NR3C2: variants seen among roughly 807,000 people sequenced by gnomAD.
The protein encoded by NR3C2 is mineralocorticoid receptor.
NR3C2 carries 15 observed loss-of-function variants against 86.4 expected under a neutral mutation model. The observed-to-expected ratio is 0.17, with a 90% CI of 0.12 to 0.27. NR3C2 has a LOEUF of 0.27. Ranked by LOEUF, NR3C2 falls within the 10% of genes least tolerant of loss-of-function variation. The pLI is 1.00. For synonymous variants in NR3C2, 458 were observed against 450.5 expected, an observed-to-expected ratio of 1.02 and a Z score of -0.21; for missense variants, 960 against 1,195.6, an observed-to-expected ratio of 0.80 and a Z score of 2.91.
At chr4:148,134,843 G>A (rs1163936700) in intron 6 of NR3C2, among the ~76,000 whole-genome samples, 1 of 150,364 alleles carries the variant, frequency 6.7e-6, no homozygotes, top group Non-Finnish European at 1.5e-5. Flanking sequence ...TTTCTGTAGA[G>A]ATGGGGTTTC....
intron 2 of NR3C2, among the ~76,000 whole-genome samples, chr4:148,355,258 G>A (rs966526208): frequency 6.6e-6 from 1 of 152,186 alleles, no homozygotes; most frequent in Admixed American, 6.5e-5. Context: ...GAGATTAGAG[G>A]CCCCAAGGAA....
intron 8 of NR3C2, among the ~76,000 whole-genome samples, chr4:148,112,020 A>G (rs898295043): frequency 1.3e-5 from 2 of 152,156 alleles, no homozygotes; most frequent in African/African-American, 4.8e-5. Flanking sequence ...CACAGACACT[A>G]ATTTACTTTG....
At chr4:148,320,829 C>T (rs1418534174) in intron 2 of NR3C2, among the ~76,000 whole-genome samples, 2 of 150,882 alleles carry the variant, frequency 1.3e-5, no homozygotes, top group Admixed American at 6.6e-5. Flanking sequence ...AAAAAACCAG[C>T]TCCTGGATTC....
At chr4:148,167,908 C>T (rs1247723163) in intron 4 of NR3C2, among the ~76,000 whole-genome samples, 1 of 152,218 alleles carries the variant, frequency 6.6e-6, no homozygotes, top group Non-Finnish European at 1.5e-5. Flanking sequence ...GTCAAGCAAT[C>T]TCCAAGAAGC....
intron 2 of NR3C2, among the ~76,000 whole-genome samples, chr4:148,411,462 G>C (rs781728318): frequency 6.6e-6 from 1 of 151,984 alleles, no homozygotes; most frequent in Non-Finnish European, 1.5e-5. Flanking sequence ...CCCTCTCCAG[G>C]GTCAAGCACT....
At chr4:148,356,590 C>T (rs1457989982) in intron 2 of NR3C2, among the ~76,000 whole-genome samples, 1 of 152,158 alleles carries the variant, frequency 6.6e-6, no homozygotes, top group East Asian at 1.9e-4. Context: ...TAAAGGAACA[C>T]TTAGGAACCA....
At chr4:148,349,859 C>T (rs537733051) in intron 2 of NR3C2, among the ~76,000 whole-genome samples, 1 of 152,042 alleles carries the variant, frequency 6.6e-6, no homozygotes, top group Non-Finnish European at 1.5e-5. Context: ...TCAAATAACA[C>T]TACAGTTTAC....
intron 2 of NR3C2, among the ~76,000 whole-genome samples, chr4:148,324,641 A>G (rs1028283075): frequency 2.6e-5 from 4 of 152,216 alleles, no homozygotes; most frequent in African/African-American, 9.6e-5. Flanking sequence ...ACTGTATTAT[A>G]TACTTGAAAT....
At chr4:148,348,237 T>C (rs548204126) in intron 2 of NR3C2, among the ~76,000 whole-genome samples, 6 of 152,220 alleles carry the variant, frequency 3.9e-5, no homozygotes, top group African/African-American at 7.2e-5. Flanking sequence ...TTAAGTTACA[T>C]TCCCCCACCA....
At chr4:148,134,643 C>CTCTTTTTTTTTTTT (rs1440338033) in intron 6 of NR3C2, among the ~76,000 whole-genome samples, 13 of 40,806 alleles carry the variant, frequency 3.2e-4, no homozygotes, top group East Asian at 1.6e-3. Flanking sequence ...CTCTCTCTCT[C>CTCTTTTTTTTTTTT]TTTTTTTTTT....
At chr4:148,128,151 T>C (rs1482829880) in intron 6 of NR3C2, among the ~76,000 whole-genome samples, 3 of 152,144 alleles carry the variant, frequency 2.0e-5, no homozygotes, top group African/African-American at 7.2e-5. Flanking sequence ...GCTGCCTGCT[T>C]TTAACTGAGC....
At chr4:148,388,954 C>T (rs984841538) in intron 2 of NR3C2, among the ~76,000 whole-genome samples, 1 of 152,230 alleles carries the variant, frequency 6.6e-6, no homozygotes, top group Admixed American at 6.5e-5. Context: ...GGACACCCTA[C>T]AGCCTGCTAG....
intron 8 of NR3C2, among the ~76,000 whole-genome samples, chr4:148,082,941 A>G (rs1447480957): frequency 6.6e-6 from 1 of 151,978 alleles, no homozygotes; most frequent in African/African-American, 2.4e-5. Context: ...TTGCCCTCCC[A>G]GTGTAAACAG....
At chr4:148,414,549 T>C (rs928065566) in intron 2 of NR3C2, among the ~76,000 whole-genome samples, 8 of 152,180 alleles carry the variant, frequency 5.3e-5, no homozygotes, top group Non-Finnish European at 1.2e-4. Context: ...AATTCAACTT[T>C]CCAGTAGATA....
chr4:148,435,115 T>G lies in NR3C2; in HGVS notation c.1746A>C (p.Glu582Asp). 1 of 1,614,214 alleles carries G rather than the reference T, an allele frequency of 6.2e-7. No individual in the cohort carries two copies. Among genetic ancestry groups the G allele is most frequent in the South Asian group, 1.1e-5 (1 of 91,086 alleles). The change falls in exon 2 of 9, where the codon GAA (glutamate) becomes GAC (aspartate). Residue 582 changes from glutamate to aspartate, a missense_variant. Coordinates refer to ENST00000358102, the MANE Select transcript of NR3C2 (RefSeq NM_000901.5). ...GAAAACCAACTTACCTTGATACATT[T>G]TCTGGAATGTATTCTAAGACCGGAT... ...DGYPVLEYIP[E>D]NVSSSTLRSV... is the part of the protein sequence containing the mutation.
upstream of NR3C2, chr4:148,444,887 C>A (rs1750509277): frequency 2.0e-6 from 2 of 984,908 alleles, no homozygotes; most frequent in Non-Finnish European, 2.4e-6. Flanking sequence ...GGATCCCGCG[C>A]CCGCCGCTCC....
At chr4:148,084,655 C>T (rs999462592) in intron 8 of NR3C2, among the ~76,000 whole-genome samples, 1 of 152,182 alleles carries the variant, frequency 6.6e-6, no homozygotes, top group Non-Finnish European at 1.5e-5. Context: ...GGATTAAATT[C>T]ACACATAACA....
intron 6 of NR3C2, among the ~76,000 whole-genome samples, chr4:148,136,545 A>G (rs1435732592): frequency 6.6e-6 from 1 of 152,034 alleles, no homozygotes; most frequent in Non-Finnish European, 1.5e-5. Context: ...CACCCACTTC[A>G]CTATACCCAT....
chr4:148,413,729 C>T (rs891759320), intron 2 of NR3C2, among the ~76,000 whole-genome samples: 9 of 152,020 alleles, frequency 5.9e-5, no homozygotes, highest in African/African-American at 1.9e-4. Context: ...AAAATATGCC[C>T]AATTTTCCTG....
Sources: gnomAD v4.1 joint callset for allele counts (sites outside exome capture counted in the v4.1 genomes callset) on GRCh38, gnomAD v4.1.1 for gene constraint, MANE v1.5 for transcripts, NCBI Gene and HGNC (gene_info 2026-07-23, HGNC 2026-07-21) for gene names.